Variants in GRID2 observed in about 807,000 individuals in gnomAD.
The protein encoded by GRID2 is glutamate receptor ionotropic, delta-2.
GRID2 carries 33 observed loss-of-function variants against 114.8 expected under a neutral mutation model. The observed-to-expected ratio is 0.29, with a 90% CI of 0.22 to 0.38. GRID2 has a LOEUF of 0.38. GRID2 is among the 10% of genes least tolerant of loss of function. The probability of loss-of-function intolerance (pLI) is 1.00; values close to 1 mark genes in which losing one functional copy is unlikely to be tolerated. For synonymous variants in GRID2, 505 were observed against 449.9 expected (o/e 1.12, Z -1.55); for missense variants, 1,184 against 1,257.7 (o/e 0.94, Z 0.89).
intron 2 of GRID2, among the ~76,000 whole-genome samples, chr4:93,051,021 A>T (rs1726658896): frequency 6.6e-6 from 1 of 152,044 alleles, no homozygotes; most frequent in South Asian, 2.1e-4. Context: ...AGCTGTGAGT[A>T]AACAAATTCA....
intron 3 of GRID2, among the ~76,000 whole-genome samples, chr4:93,107,487 AC>A (rs1732350976): frequency 6.6e-6 from 1 of 151,990 alleles, no homozygotes; most frequent in Non-Finnish European, 1.5e-5. Flanking sequence ...AAGCTAAAAA[AC>A]GTTATATAGT....
chr4:92,974,230 C>T (rs2149176078), intron 2 of GRID2, among the ~76,000 whole-genome samples: 1 of 152,288 alleles, frequency 6.6e-6, no homozygotes, highest in Non-Finnish European at 1.5e-5. Context: ...CGCTTTTACA[C>T]TGTTGGTGGG....
At chr4:92,625,464 A>C (rs1481831390) in intron 2 of GRID2, among the ~76,000 whole-genome samples, 1 of 151,964 alleles carries the variant, frequency 6.6e-6, no homozygotes, top group South Asian at 2.1e-4. Flanking sequence ...TATTGCCTCT[A>C]AGTAAGGGAT....
intron 2 of GRID2, among the ~76,000 whole-genome samples, chr4:92,637,600 T>C (rs1189146494): frequency 1.3e-5 from 2 of 152,018 alleles, no homozygotes; most frequent in Non-Finnish European, 2.9e-5. Flanking sequence ...ATCTCTTAAA[T>C]CTTAATGGAT....
intron 14 of GRID2, among the ~76,000 whole-genome samples, chr4:93,647,758 T>C (rs1722239370): frequency 6.6e-6 from 1 of 152,166 alleles, no homozygotes; most frequent in South Asian, 2.1e-4. Context: ...TACTATACCA[T>C]ACCTATACTA....
intron 2 of GRID2, among the ~76,000 whole-genome samples, chr4:92,694,367 C>G (rs1274094264): frequency 6.6e-6 from 1 of 152,146 alleles, no homozygotes. Context: ...TGGGAGAAAG[C>G]CACCTAGAGC....
chr4:93,095,535 C>T (rs1560873377), intron 3 of GRID2, among the ~76,000 whole-genome samples: 1 of 151,946 alleles, frequency 6.6e-6, no homozygotes, highest in East Asian at 1.9e-4. Context: ...TTTCTCAATA[C>T]ATAATAATGC....
intron 1 of GRID2, among the ~76,000 whole-genome samples, chr4:92,413,920 G>C (rs1415808931): frequency 6.6e-6 from 1 of 151,858 alleles, no homozygotes; most frequent in Non-Finnish European, 1.5e-5. Flanking sequence ...GGTTGACAGA[G>C]GATTTTTTTA....
intron 14 of GRID2, among the ~76,000 whole-genome samples, chr4:93,707,417 C>T (rs531332022): frequency 6.6e-6 from 1 of 152,098 alleles, no homozygotes; most frequent in African/African-American, 2.4e-5. Flanking sequence ...TTTCTCCCTG[C>T]TTCAACCTTG....
At chr4:92,339,791 G>T (rs555082240) in intron 1 of GRID2, among the ~76,000 whole-genome samples, 21 of 152,214 alleles carry the variant, frequency 1.4e-4, no homozygotes, top group African/African-American at 4.3e-4. Context: ...AATAAAACTC[G>T]AAGAAGTTCT....
intron 2 of GRID2, among the ~76,000 whole-genome samples, chr4:92,801,283 T>C (rs1740153997): frequency 6.6e-6 from 1 of 151,994 alleles, no homozygotes; most frequent in South Asian, 2.1e-4. Flanking sequence ...TAGTGTGTCT[T>C]GTCTTAAAAG....
At chr4:93,781,320 GCCACTGGGCTGCGGTGAGGC>G (rs1048742752) in intron 1 of GRID2, among the ~76,000 whole-genome samples, 4 of 152,050 alleles carry the variant, frequency 2.6e-5, no homozygotes, top group African/African-American at 9.7e-5. Flanking sequence ...TTATGGGGAT[GCCACTGGGCTGCGGTGAGGC>G]CCACTGGGCT....
chr4:93,122,915 T>A (rs1217338215), intron 4 of GRID2, among the ~76,000 whole-genome samples: 1 of 141,922 alleles, frequency 7.0e-6, no homozygotes, highest in Non-Finnish European at 1.5e-5. Flanking sequence ...TTTTTTTTGA[T>A]GAGAAAGTCT....
intron 1 of GRID2, among the ~76,000 whole-genome samples, chr4:92,496,710 A>G (rs1453729177): frequency 2.0e-5 from 3 of 151,542 alleles, no homozygotes; most frequent in Non-Finnish European, 4.4e-5. Flanking sequence ...ACATTTAAAC[A>G]GTTTTATTGT....
chr4:92,801,649 A>T (rs1740177997), intron 2 of GRID2, among the ~76,000 whole-genome samples: 1 of 151,910 alleles, frequency 6.6e-6, no homozygotes, highest in Admixed American at 6.6e-5. Flanking sequence ...TTTATAAAAT[A>T]TTTTTGTAAT....
intron 2 of GRID2, among the ~76,000 whole-genome samples, chr4:92,821,097 G>T (rs1328456403): frequency 6.6e-6 from 1 of 151,996 alleles, no homozygotes; most frequent in Non-Finnish European, 1.5e-5. Flanking sequence ...TAGCCAATTT[G>T]AAATTTAGGT....
At chr4:92,666,667 T>TTTTTTTTTTTTTTTTTTTTTTTTTTTTTG (rs1732800595) in intron 2 of GRID2, among the ~76,000 whole-genome samples, 1 of 148,750 alleles carries the variant, frequency 6.7e-6, no homozygotes, top group Non-Finnish European at 1.5e-5. Flanking sequence ...TTTTTTTTTT[T>TTTTTTTTTTTTTTTTTTTTTTTTTTTTTG]TTTCAGATCT....
chr4:93,069,036 C>A lies in GRID2; in HGVS notation c.245-15959C>A, dbSNP rs185859445. Among the ~76,000 whole-genome samples, 531 of 151,932 alleles carry A rather than the reference C, an allele frequency of 3.5e-3. 1 individual carries two copies. Among genetic ancestry groups the A allele is most frequent in the Non-Finnish European group, 5.6e-3 (381 of 67,956 alleles). On this transcript the variant is annotated intron_variant, in intron 2 of 15. Transcript: ENST00000282020. ...AGAGAGAGGAGGGAGGTGCTACACA[C>A]TTTATGTGACCAGATCTCCCAAAAC...
intron 7 of GRID2, among the ~76,000 whole-genome samples, chr4:93,232,567 G>T (rs1051482488): frequency 1.3e-5 from 2 of 149,322 alleles, no homozygotes; most frequent in Admixed American, 1.3e-4. Context: ...GAACTAAATT[G>T]TAATAGATCT....
Sources: allele counts gnomAD v4.1 joint callset (sites outside exome capture counted in the v4.1 genomes callset), GRCh38; gene constraint gnomAD v4.1.1; transcripts MANE v1.5; gene names NCBI Gene and HGNC (gene_info 2026-07-23, HGNC 2026-07-21).